EWSR1: variants seen among roughly 807,000 people sequenced by gnomAD.
The protein encoded by EWSR1 is RNA-binding protein EWS.
In EWSR1, 14 loss-of-function variants were observed where a neutral mutation model predicts 92.1. That is an observed-to-expected ratio of 0.15 (90% CI 0.10 to 0.24). The LOEUF (loss-of-function observed/expected upper bound fraction) is 0.24. Among genes scored for constraint, EWSR1 ranks in the 10% least tolerant of loss-of-function variants. The probability of loss-of-function intolerance (pLI) is 1.00; values close to 1 mark genes in which losing one functional copy is unlikely to be tolerated. For missense variants in EWSR1, 637 were observed against 870.9 expected, an observed-to-expected ratio of 0.73 and a Z score of 3.38; for synonymous variants, 303 against 292.9, an observed-to-expected ratio of 1.03 and a Z score of -0.35.
At position 29,272,384 on chromosome 22, in the gene EWSR1, A is replaced by G; in HGVS notation, c.55A>G (p.Ser19Gly). 1 of 1,613,676 alleles carries G rather than the reference A, an allele frequency of 6.2e-7. No homozygotes were observed. Residue 19 changes from serine to glycine, a missense_variant, in exon 3 of 17, where the codon AGT (serine) becomes GGT (glycine). Ser to Gly is a moderately conservative substitution (Grantham distance 56). Coordinates refer to ENST00000397938, the MANE Select transcript of EWSR1 (RefSeq NM_005243.4). Reference protein sequence around the residue: ...YSQAAAQQGYSAYTAQPTQGY... With the variant: ...YSQAAAQQGYGAYTAQPTQGY... The stretch of plus-strand genomic sequence containing the variant: ...TTGCATTTAATTCTTTTGCAGCTAC[A>G]GTGCTTACACCGCCCAGCCCACTCA...
chr22:29,297,545 T>C (rs1434416610), intron 12 of EWSR1, among the ~76,000 whole-genome samples: 2 of 152,068 alleles, frequency 1.3e-5, no homozygotes, highest in South Asian at 4.2e-4. Flanking sequence ...TTTTGTAAAA[T>C]TAGTCGGGCA....
intron 3 of EWSR1, among the ~76,000 whole-genome samples, chr22:29,273,397 C>T (rs763367451): frequency 6.6e-6 from 1 of 152,172 alleles, no homozygotes; most frequent in African/African-American, 2.4e-5. Context: ...CACCTGTGCC[C>T]TTATTGCTCT....
At chr22:29,268,835 G>A (rs1014910236) in intron 1 of EWSR1, among the ~76,000 whole-genome samples, 8 of 152,256 alleles carry the variant, frequency 5.3e-5, no homozygotes, top group Non-Finnish European at 7.3e-5. Context: ...CCGTGGATTT[G>A]TGGGCCGAGG....
chr22:29,273,882 G>A lies in EWSR1; in HGVS notation c.226+18G>A, dbSNP rs980828599. 6.2e-7 allele frequency: 1 copy of A among 1,612,952 alleles called. No homozygotes were observed. Among genetic ancestry groups the A allele is most frequent in the African/African-American group, 1.3e-5 (1 of 74,972 alleles). On this transcript the variant is annotated intron_variant, in intron 4 of 16. Coordinates refer to ENST00000397938, the MANE Select transcript of EWSR1 (RefSeq NM_005243.4). ...TCCCACTGGTAAGGCCTGCCTTGGA[G>A]AGATTTTTGGGTCGTTCTGGCTAGG... is the stretch of plus-strand genomic sequence containing the variant.
intron 5 of EWSR1, among the ~76,000 whole-genome samples, chr22:29,281,379 C>T (rs531407152): frequency 7.9e-4 from 93 of 118,252 alleles, no homozygotes; most frequent in Non-Finnish European, 1.1e-3. Context: ...TAACAGCTCA[C>T]TGCAGCCTTC....
intron 6 of EWSR1, among the ~76,000 whole-genome samples, chr22:29,286,090 C>T (rs1312186376): frequency 6.6e-6 from 1 of 151,966 alleles, no homozygotes; most frequent in African/African-American, 2.4e-5. Flanking sequence ...GTGCCTGCCT[C>T]GGCCTCCCAA....
chr22:29,277,063 A>C (rs1246375912), intron 4 of EWSR1: 1 of 230,058 alleles, frequency 4.3e-6, no homozygotes, highest in Non-Finnish European at 8.6e-6. Context: ...GTCATGCTCC[A>C]CGCCGAAGTC....
intron 15 of EWSR1, 96 bp downstream of exon 15, chr22:29,299,427 A>G: frequency 6.6e-7 from 1 of 1,523,544 alleles, no homozygotes; most frequent in African/African-American, 1.4e-5. Flanking sequence ...CCTCTGCTTA[A>G]CAACTTTGAG....
intron 1 of EWSR1, 66 bp from the exon 2 acceptor site, chr22:29,272,150 C>T (rs2058730561): frequency 6.3e-6 from 9 of 1,433,366 alleles, no homozygotes; most frequent in South Asian, 1.1e-5. Context: ...GAATTCTTTC[C>T]CCCTTTTTTC....
rs773973382 is a variant in EWSR1, at chr22:29,299,924, G to A, written c.1931+73G>A. 5.6e-5 allele frequency: 86 copies of A among 1,535,858 alleles called. No individual in the cohort carries two copies. The African/African-American group carries it at 6.5e-4, about 12-fold the overall frequency. On this transcript the variant is annotated intron_variant, in intron 16 of 16. Transcript: ENST00000397938. ...GACAGCCCTTCCCAGCTTGGTTGGC[G>A]CAAGTCCTCATGTCTCTAGGAAGCT...
intron 5 of EWSR1, among the ~76,000 whole-genome samples, chr22:29,280,364 G>A (rs554060409): frequency 2.8e-4 from 43 of 152,042 alleles, no homozygotes; most frequent in African/African-American, 5.6e-4. Context: ...CACCGCACCC[G>A]GCCTGCCTGT....
At chr22:29,292,055 A>C in intron 9 of EWSR1, 82 bp from the exon 10 acceptor site, 4 of 1,150,892 alleles carry the variant, frequency 3.5e-6, no homozygotes, top group Non-Finnish European at 5.3e-6. Flanking sequence ...GTGGTATAGT[A>C]GATAGCTATG....
At chr22:29,299,434 T>A in intron 15 of EWSR1, 103 bp downstream of exon 15, 2 of 1,504,054 alleles carry the variant, frequency 1.3e-6, no homozygotes, top group Non-Finnish European at 1.8e-6. Flanking sequence ...TTAACAACTT[T>A]GAGTTGTCGT....
intron 6 of EWSR1, among the ~76,000 whole-genome samples, chr22:29,285,743 A>G (rs2059975562): frequency 6.6e-6 from 1 of 151,322 alleles, no homozygotes; most frequent in African/African-American, 2.5e-5. Context: ...TCCCCATTTC[A>G]CTGGGTCAGC....
rs1383912492 is a variant in EWSR1, at chr22:29,292,502, C to T, written c.1060C>T (p.Pro354Ser). ...GTCTCTGAAAGGCCCACCTGTAGAT[C>T]CAGATGAAGACTCTGACAACAGTGC... ...PDLDLGPPVD[P>S]DEDSDNSAIY... The change falls in exon 11 of 17, where the codon CCA becomes TCA. Residue 354 changes from proline to serine, a missense_variant. Physicochemically the swap from Pro to Ser is moderately conservative, Grantham distance 74 (BLOSUM62 -1). Around this residue, in one of 5 missense-constraint regions of EWSR1, gnomAD observed 363 missense variants for 447.8 expected, o/e 0.81. Coordinates refer to ENST00000397938, the MANE Select transcript of EWSR1 (RefSeq NM_005243.4). The T allele has an allele frequency of 6.2e-7, 1 of 1,611,754 alleles. No homozygotes were observed. The highest frequency in any genetic ancestry group is 8.5e-7 in the Non-Finnish European group (1 of 1,178,378).
intron 9 of EWSR1, chr22:29,291,933 A>G: frequency 1.6e-6 from 1 of 606,178 alleles, no homozygotes; most frequent in South Asian, 2.1e-5. Flanking sequence ...TTTAGAAGCA[A>G]ACCAGCAAAG....
intron 9 of EWSR1, 57 bp from the exon 10 acceptor site, chr22:29,292,080 T>G: frequency 6.7e-7 from 1 of 1,501,828 alleles, no homozygotes; most frequent in Non-Finnish European, 9.3e-7. Flanking sequence ...TTTGTAAGGT[T>G]TGTAGCTTGC....
At chr22:29,272,274 G>C (rs201537508) in intron 2 of EWSR1, 22 bp downstream of exon 2, 1 of 1,613,616 alleles carries the variant, frequency 6.2e-7, no homozygotes, top group Non-Finnish European at 8.5e-7. Context: ...TTTTATAACC[G>C]TATTTTGTGT....
At chr22:29,299,106 T>C in intron 14 of EWSR1, 128 bp from the exon 15 acceptor site, 2 of 1,552,816 alleles carry the variant, frequency 1.3e-6, no homozygotes, top group Middle Eastern at 1.7e-4. Context: ...TGCCTGAGGC[T>C]GTGCCCTAAA....
Sources: allele counts gnomAD v4.1 joint callset (sites outside exome capture counted in the v4.1 genomes callset), GRCh38; gene constraint gnomAD v4.1.1; regional missense constraint gnomAD v4.1.1; transcripts MANE v1.5; gene names NCBI Gene and HGNC (gene_info 2026-07-23, HGNC 2026-07-21).